Variants in ATE1 observed in about 807,000 individuals in gnomAD.
ATE1 encodes the protein arginyl-tRNA--protein transferase 1.
ATE1 carries 36 observed loss-of-function variants against 70.5 expected under a neutral mutation model. The observed-to-expected ratio is 0.51, with a 90% CI of 0.39 to 0.67. ATE1 has a LOEUF of 0.67. Among genes scored for constraint, ATE1 ranks in the 30% least tolerant of loss-of-function variants. ATE1 has a pLI of 0.00. For synonymous variants in ATE1, 232 were observed against 219.3 expected, an observed-to-expected ratio of 1.06 and a Z score of -0.51; for missense variants, 593 against 629.5, an observed-to-expected ratio of 0.94 and a Z score of 0.62.
At chr10:121,840,904 A>T (rs1948603708) in intron 9 of ATE1, among the ~76,000 whole-genome samples, 178 bp downstream of exon 9, 1 of 151,438 alleles carries the variant, frequency 6.6e-6, no homozygotes, top group South Asian at 2.1e-4. Flanking sequence ...TTTAACTCAT[A>T]TAGAATACCT....
chr10:121,928,431 T>G, upstream of ATE1: 1 of 1,519,842 alleles, frequency 6.6e-7, no homozygotes, highest in Non-Finnish European at 8.8e-7. Flanking sequence ...ACCGACGCCA[T>G]GGCCGCCGCG....
chr10:121,862,532 AT>A (rs35130703), intron 8 of ATE1, among the ~76,000 whole-genome samples: 1,305 of 105,348 alleles, frequency 0.012, 16 homozygotes, highest in African/African-American at 0.041. Context: ...AATTTTTTTA[AT>A]TTTTTTTTTT....
intron 11 of ATE1, among the ~76,000 whole-genome samples, chr10:121,760,352 A>T (rs1368774781): frequency 1.3e-5 from 2 of 152,236 alleles, no homozygotes; most frequent in Non-Finnish European, 2.9e-5. Flanking sequence ...TCTGGAAAGG[A>T]TCCACCATTC....
At chr10:121,843,284 G>C (rs1948698155) in intron 8 of ATE1, among the ~76,000 whole-genome samples, 1 of 151,990 alleles carries the variant, frequency 6.6e-6, no homozygotes, top group Non-Finnish European at 1.5e-5. Context: ...CCGACAAAAG[G>C]AATCAAAGAT....
intron 10 of ATE1, among the ~76,000 whole-genome samples, chr10:121,802,367 G>T (rs1946920460): frequency 6.6e-6 from 1 of 151,428 alleles, no homozygotes; most frequent in Admixed American, 6.6e-5. Context: ...GGAGTGCAGT[G>T]GCACCATCTT....
At chr10:121,783,561 A>G (rs914097170) in intron 11 of ATE1, among the ~76,000 whole-genome samples, 5 of 152,164 alleles carry the variant, frequency 3.3e-5, no homozygotes. Context: ...ACGTAAAATA[A>G]AAAACTGAAA....
intron 11 of ATE1, among the ~76,000 whole-genome samples, chr10:121,765,202 C>G (rs1488738441): frequency 6.6e-6 from 1 of 152,168 alleles, no homozygotes; most frequent in Admixed American, 6.5e-5. Context: ...GATGCAGAGT[C>G]CCCCAGGTAG....
chr10:121,798,131 C>T (rs1446728024), intron 10 of ATE1, among the ~76,000 whole-genome samples: 1 of 152,162 alleles, frequency 6.6e-6, no homozygotes, highest in African/African-American at 2.4e-5. Context: ...ATGCATGAAG[C>T]AGTATTTGCT....
At chr10:121,784,337 T>A (rs141582131) in intron 11 of ATE1, among the ~76,000 whole-genome samples, 2 of 152,152 alleles carry the variant, frequency 1.3e-5, no homozygotes, top group Non-Finnish European at 2.9e-5. Context: ...TCTTAAGACA[T>A]CTTAGTTTTC....
chr10:121,806,055 T>C (rs555061161), intron 10 of ATE1, among the ~76,000 whole-genome samples: 4 of 152,232 alleles, frequency 2.6e-5, no homozygotes, highest in Non-Finnish European at 4.4e-5. Context: ...CTTAATAAAA[T>C]TATAAAGAAA....
At chr10:121,755,296 C>T (rs1944751672) in intron 11 of ATE1, among the ~76,000 whole-genome samples, 1 of 152,188 alleles carries the variant, frequency 6.6e-6, no homozygotes. Flanking sequence ...AAAAAAGTGT[C>T]CTTGTTTTCA....
intron 11 of ATE1, among the ~76,000 whole-genome samples, chr10:121,781,615 T>C (rs941397280): frequency 2.6e-5 from 4 of 152,280 alleles, no homozygotes; most frequent in East Asian, 1.9e-4. Context: ...ATTTCCCAAA[T>C]AAATAACCTG....
rs115010781 is a variant in ATE1 at position 121,754,332 on chromosome 10, G to T, written c.1379-10474C>A. ...TAATTATAGAACTGAGTCAGAGAAAGTATAAGATGAGTCTGAAATATTTTG... is the reference window on the plus strand; with the variant it reads ...TAATTATAGAACTGAGTCAGAGAAATTATAAGATGAGTCTGAAATATTTTG... On this transcript the variant is annotated intron_variant, in intron 11 of 11. Transcript: ENST00000224652. Among the ~76,000 whole-genome samples, 355 of 152,268 alleles carry T rather than the reference G, an allele frequency of 2.3e-3. 4 individuals carry two copies. The highest frequency in any genetic ancestry group is 8.3e-3 in the African/African-American group (343 of 41,556).
Position 121,927,890 on chromosome 10 carries a change from G to T in ATE1, c.60C>A (p.Phe20Leu). Reference protein sequence around the residue: ...SVVDYFPSEDFYRCGYCKNES... With the variant: ...SVVDYFPSEDLYRCGYCKNES... ...CGTTCTTGCAGTAGCCGCAGCGGTA[G>T]AAGTCCTCGCTAGGGAAATAGTCCA... The change falls in exon 1 of 12, where the codon TTC (phenylalanine) becomes TTA (leucine). Residue 20 changes from phenylalanine (F) to leucine (L), a missense_variant. By Grantham distance (22) the Phe-to-Leu change is conservative. Coordinates refer to ENST00000224652, the MANE Select transcript of ATE1 (RefSeq NM_001001976.3). The T allele has an allele frequency of 6.3e-7, 1 of 1,593,180 alleles. No homozygotes were observed. The highest frequency in any genetic ancestry group is 8.5e-7 in the Non-Finnish European group (1 of 1,172,486).
chr10:121,828,439 T>G (rs1948110858), intron 10 of ATE1, among the ~76,000 whole-genome samples: 1 of 152,204 alleles, frequency 6.6e-6, no homozygotes. Context: ...GTCACGCAGG[T>G]GCATTCAGCT....
chr10:121,865,638 T>C (rs1326691355), intron 8 of ATE1, among the ~76,000 whole-genome samples: 1 of 152,212 alleles, frequency 6.6e-6, no homozygotes, highest in Admixed American at 6.5e-5. Flanking sequence ...TATCAGCAGC[T>C]ACAGAGCCAC....
Position 121,906,140 on chromosome 10 carries a change from T to G in ATE1, c.584-3520A>C, listed in dbSNP as rs563088199. ...AGCCATGATGGCTCATGTCTCTAAA[T>G]CCCAGCACTTTGGGAGGCCAAGGTG... On this transcript the variant is annotated intron_variant, in intron 5 of 11. Transcript: ENST00000224652. 1.4e-4 allele frequency among the ~76,000 whole-genome samples: 21 copies of G among 152,290 alleles called. No individual in the cohort carries two copies. The East Asian group carries it at 4.1e-3, about 29-fold the overall frequency.
intron 11 of ATE1, among the ~76,000 whole-genome samples, chr10:121,755,607 C>T (rs559971412): frequency 8.7e-4 from 132 of 152,296 alleles, no homozygotes; most frequent in African/African-American, 3.0e-3. Flanking sequence ...TAATTGGGCT[C>T]ACAGTTCCAT....
intron 11 of ATE1, among the ~76,000 whole-genome samples, chr10:121,771,700 C>T (rs922101771): frequency 6.6e-6 from 1 of 152,174 alleles, no homozygotes; most frequent in Admixed American, 6.5e-5. Flanking sequence ...AAATGTAACT[C>T]TTAGGTCCTT....
Sources: gnomAD v4.1 joint callset for allele counts (sites outside exome capture counted in the v4.1 genomes callset) on GRCh38, gnomAD v4.1.1 for gene constraint, MANE v1.5 for transcripts, NCBI Gene and HGNC (gene_info 2026-07-23, HGNC 2026-07-21) for gene names.